The following NKAIN2 variants were observed in gnomAD, a reference collection of about 807,000 sequenced individuals.
The protein encoded by NKAIN2 is sodium/potassium transporting ATPase interacting 2, also known as sodium/potassium-transporting ATPase subunit beta-1-interacting protein 2.
A neutral mutation model predicts 32.6 loss-of-function variants in NKAIN2; 14 were observed. The observed-to-expected ratio is 0.43, with a 90% CI of 0.28 to 0.67. The LOEUF is 0.67. NKAIN2 is among the 30% of genes least tolerant of loss of function. The pLI, the probability that NKAIN2 is intolerant of heterozygous loss-of-function variation, is 0.17. For missense variants in NKAIN2, 198 were observed against 258.3 expected, an observed-to-expected ratio of 0.77 and a Z score of 1.60; for synonymous variants, 80 against 87.2, an observed-to-expected ratio of 0.92 and a Z score of 0.46.
intron 2 of NKAIN2, among the ~76,000 whole-genome samples, chr6:124,344,096 C>T (rs970252878): frequency 6.6e-6 from 1 of 152,050 alleles, no homozygotes; most frequent in Non-Finnish European, 1.5e-5. Context: ...GGAATCCTTT[C>T]CCCATTGCTT....
intron 3 of NKAIN2, among the ~76,000 whole-genome samples, chr6:124,639,703 T>C (rs969402893): frequency 6.6e-6 from 1 of 152,168 alleles, no homozygotes; most frequent in Non-Finnish European, 1.5e-5. Context: ...AACCTTGTCA[T>C]TCATGAAAAC....
At chr6:124,501,708 G>C (rs935392764) in intron 3 of NKAIN2, among the ~76,000 whole-genome samples, 9 of 151,962 alleles carry the variant, frequency 5.9e-5, no homozygotes, top group African/African-American at 2.2e-4. Flanking sequence ...ATACATTATA[G>C]AGCCCTGACC....
chr6:124,143,993 T>G (rs1009680764), intron 1 of NKAIN2, among the ~76,000 whole-genome samples: 1 of 152,180 alleles, frequency 6.6e-6, no homozygotes, highest in African/African-American at 2.4e-5. Context: ...CTAGATCTGA[T>G]GTAATGTGCA....
chr6:124,732,991 A>T (rs1776761499), intron 4 of NKAIN2, among the ~76,000 whole-genome samples: 1 of 152,010 alleles, frequency 6.6e-6, no homozygotes, highest in African/African-American at 2.4e-5. Flanking sequence ...TTATTTAACA[A>T]TACAAGGAAA....
chr6:124,645,106 G>A (rs1784122376), intron 3 of NKAIN2, among the ~76,000 whole-genome samples: 1 of 152,166 alleles, frequency 6.6e-6, no homozygotes. Context: ...TTAACAGTGA[G>A]ACAAGAAGTT....
intron 1 of NKAIN2, among the ~76,000 whole-genome samples, chr6:124,188,497 C>G (rs1190419727): frequency 6.6e-6 from 1 of 152,114 alleles, no homozygotes; most frequent in Non-Finnish European, 1.5e-5. Flanking sequence ...TTATAAAATG[C>G]CTTCATGGTA....
At chr6:124,710,865 C>G (rs536202492) in intron 4 of NKAIN2, among the ~76,000 whole-genome samples, 1 of 150,022 alleles carries the variant, frequency 6.7e-6, no homozygotes, top group African/African-American at 2.5e-5. Context: ...GAATTTGATC[C>G]TGTCATTATG....
At chr6:124,614,179 A>C (rs759487257) in intron 3 of NKAIN2, among the ~76,000 whole-genome samples, 6 of 152,158 alleles carry the variant, frequency 3.9e-5, no homozygotes, top group Non-Finnish European at 7.3e-5. Flanking sequence ...GGATAACTTG[A>C]GGTCAGGAGT....
At chr6:124,104,565 A>G (rs1486489315) in intron 1 of NKAIN2, among the ~76,000 whole-genome samples, 3 of 152,196 alleles carry the variant, frequency 2.0e-5, no homozygotes, top group Admixed American at 6.5e-5. Flanking sequence ...ATATATGTAC[A>G]CATGAATGCA....
intron 1 of NKAIN2, among the ~76,000 whole-genome samples, chr6:123,836,362 A>G (rs940754099): frequency 1.3e-5 from 2 of 152,150 alleles, no homozygotes; most frequent in African/African-American, 4.8e-5. Context: ...TAATATTACC[A>G]CGAGAAATTT....
chr6:124,425,907 C>A (rs1018765165), intron 3 of NKAIN2, among the ~76,000 whole-genome samples: 9 of 152,008 alleles, frequency 5.9e-5, no homozygotes, highest in Non-Finnish European at 1.2e-4. Context: ...AAGATTTTTA[C>A]TTGTATTATT....
At chr6:123,994,760 C>T (rs1301448613) in intron 1 of NKAIN2, among the ~76,000 whole-genome samples, 1 of 152,090 alleles carries the variant, frequency 6.6e-6, no homozygotes, top group Admixed American at 6.6e-5. Flanking sequence ...TGTGATATCC[C>T]TCCATACATA....
intron 1 of NKAIN2, among the ~76,000 whole-genome samples, chr6:124,008,014 G>C (rs1013835318): frequency 6.6e-6 from 1 of 152,262 alleles, no homozygotes; most frequent in South Asian, 2.1e-4. Context: ...AAGAGACAAT[G>C]GCATGGGACC....
chr6:123,835,422 A>G (rs576285659), intron 1 of NKAIN2, among the ~76,000 whole-genome samples: 1 of 152,334 alleles, frequency 6.6e-6, no homozygotes, highest in African/African-American at 2.4e-5. Context: ...TTTACAATCT[A>G]TCTGCCCATC....
chr6:124,023,427 T>C (rs1329384280), intron 1 of NKAIN2, among the ~76,000 whole-genome samples: 1 of 152,104 alleles, frequency 6.6e-6, no homozygotes, highest in Non-Finnish European at 1.5e-5. Flanking sequence ...GCTTTCCCCC[T>C]CTTGTCGTTT....
At chr6:124,213,816 T>C (rs1791314877) in intron 1 of NKAIN2, among the ~76,000 whole-genome samples, 1 of 152,180 alleles carries the variant, frequency 6.6e-6, no homozygotes, top group Non-Finnish European at 1.5e-5. Flanking sequence ...AGTCAATCTG[T>C]GGTTGCATAG....
chr6:124,586,481 C>CGAT (rs1781714383), intron 3 of NKAIN2, among the ~76,000 whole-genome samples: 1 of 152,056 alleles, frequency 6.6e-6, no homozygotes, highest in African/African-American at 2.4e-5. Flanking sequence ...AAACAACTGC[C>CGAT]TATCGGGTAC....
At chr6:123,893,024 G>A (rs1157068073) in intron 1 of NKAIN2, among the ~76,000 whole-genome samples, 1 of 151,762 alleles carries the variant, frequency 6.6e-6, no homozygotes, top group African/African-American at 2.4e-5. Flanking sequence ...CCTTTCTGTT[G>A]GATATAGGAC....
At chr6:124,527,422 G>A (rs1779360245) in intron 3 of NKAIN2, among the ~76,000 whole-genome samples, 1 of 152,104 alleles carries the variant, frequency 6.6e-6, no homozygotes, top group African/African-American at 2.4e-5. Context: ...TACTTTTTCT[G>A]AACATCTCTA....
Sources: allele counts gnomAD v4.1 joint callset (sites outside exome capture counted in the v4.1 genomes callset), GRCh38; gene constraint gnomAD v4.1.1; transcripts MANE v1.5; gene names NCBI Gene and HGNC (gene_info 2026-07-23, HGNC 2026-07-21).